Variants in GATAD2A observed in about 807,000 individuals in gnomAD.
GATAD2A encodes the protein transcriptional repressor p66-alpha.
A neutral mutation model predicts 68.5 loss-of-function variants in GATAD2A; 12 were observed. The ratio of observed to expected loss-of-function variants is 0.18; its 90% CI spans 0.11 to 0.28. GATAD2A has a LOEUF of 0.28. Ranked by LOEUF, GATAD2A falls within the 10% of genes least tolerant of loss-of-function variation. The probability of loss-of-function intolerance (pLI) is 1.00; values close to 1 mark genes in which losing one functional copy is unlikely to be tolerated. For synonymous variants in GATAD2A, 410 were observed against 375.3 expected, an observed-to-expected ratio of 1.09 and a Z score of -1.07; for missense variants, 755 against 868.5, an observed-to-expected ratio of 0.87 and a Z score of 1.64.
At chr19:19,478,135 G>T (rs1281324160) in intron 2 of GATAD2A, among the ~76,000 whole-genome samples, 1 of 152,174 alleles carries the variant, frequency 6.6e-6, no homozygotes, top group Non-Finnish European at 1.5e-5. Flanking sequence ...CATGGGCCAT[G>T]ATACATCAGC....
intron 1 of GATAD2A, among the ~76,000 whole-genome samples, chr19:19,412,703 A>C (rs2051112759): frequency 6.6e-6 from 1 of 152,122 alleles, no homozygotes; most frequent in South Asian, 2.1e-4. Flanking sequence ...CTAACTCTAC[A>C]AATAATACCA....
At chr19:19,421,801 A>G (rs1431281964) in intron 1 of GATAD2A, among the ~76,000 whole-genome samples, 1 of 149,598 alleles carries the variant, frequency 6.7e-6, no homozygotes, top group Non-Finnish European at 1.5e-5. Flanking sequence ...AGATTTCTTC[A>G]GACCTTCTCT....
intron 1 of GATAD2A, among the ~76,000 whole-genome samples, chr19:19,453,811 C>G (rs959458639): frequency 6.6e-6 from 1 of 151,450 alleles, no homozygotes; most frequent in Admixed American, 6.6e-5. Flanking sequence ...TTACAGGTGC[C>G]CGCCACCACA....
chr19:19,418,688 T>G (rs1024038070), intron 1 of GATAD2A, among the ~76,000 whole-genome samples: 5 of 152,216 alleles, frequency 3.3e-5, no homozygotes, highest in Non-Finnish European at 7.3e-5. Context: ...TGAATTATTC[T>G]AACAGCTGCT....
intron 1 of GATAD2A, among the ~76,000 whole-genome samples, chr19:19,437,816 T>G (rs182401343): frequency 5.9e-4 from 90 of 152,386 alleles, no homozygotes; most frequent in Non-Finnish European, 5.9e-5. Flanking sequence ...GTTTATCCAT[T>G]CATTCATTGA....
At chr19:19,452,133 T>C (rs1322217797) in intron 1 of GATAD2A, among the ~76,000 whole-genome samples, 1 of 152,246 alleles carries the variant, frequency 6.6e-6, no homozygotes, top group African/African-American at 2.4e-5. Flanking sequence ...AACTAGTGTA[T>C]ACTTTGCAGG....
intron 8 of GATAD2A, among the ~76,000 whole-genome samples, chr19:19,500,780 C>T (rs1404143681): frequency 6.6e-6 from 1 of 152,234 alleles, no homozygotes; most frequent in East Asian, 1.9e-4. Context: ...GAACTGAGTA[C>T]CTCAGCACCC....
At chr19:19,405,201 T>C (rs2050075002), upstream of GATAD2A, among the ~76,000 whole-genome samples, 3 of 152,218 alleles carry the variant, frequency 2.0e-5, no homozygotes, top group South Asian at 6.2e-4. Context: ...TTCACTGCAC[T>C]GGAGAAGTGA....
intron 2 of GATAD2A, among the ~76,000 whole-genome samples, chr19:19,479,194 C>T (rs958775338): frequency 3.9e-5 from 6 of 152,186 alleles, no homozygotes; most frequent in Non-Finnish European, 5.9e-5. Context: ...GCTTTTTGTA[C>T]ATGGGTTACA....
intron 1 of GATAD2A, among the ~76,000 whole-genome samples, chr19:19,420,054 A>G (rs1294864823): frequency 8.2e-6 from 1 of 122,014 alleles, no homozygotes; most frequent in Non-Finnish European, 1.6e-5. Flanking sequence ...TCTGTCACCC[A>G]GGCTGGAGTG....
chr19:19,426,087 C>T (rs2053058987), intron 1 of GATAD2A, among the ~76,000 whole-genome samples: 1 of 152,034 alleles, frequency 6.6e-6, no homozygotes, highest in Non-Finnish European at 1.5e-5. Flanking sequence ...TGCACCTGGC[C>T]CCTGCAGACA....
At chr19:19,474,201 C>T (rs1268264057) in intron 2 of GATAD2A, 5 of 979,128 alleles carry the variant, frequency 5.1e-6, no homozygotes, top group South Asian at 4.7e-5. Flanking sequence ...ATGCTTTTTA[C>T]AGGGAAGGGA....
intron 1 of GATAD2A, among the ~76,000 whole-genome samples, chr19:19,418,036 C>T (rs909616802): frequency 2.0e-5 from 3 of 152,158 alleles, no homozygotes; most frequent in Admixed American, 6.5e-5. Flanking sequence ...GGAGCGGTGT[C>T]GTAGCAGTGG....
chr19:19,476,197 C>G (rs1438687141), intron 2 of GATAD2A, among the ~76,000 whole-genome samples: 1 of 152,302 alleles, frequency 6.6e-6, no homozygotes, highest in Middle Eastern at 3.4e-3. Flanking sequence ...ATATGGACAT[C>G]GAGGTAATCA....
At chr19:19,497,240 C>T (rs1025260398) in intron 7 of GATAD2A, among the ~76,000 whole-genome samples, 25 of 152,194 alleles carry the variant, frequency 1.6e-4, no homozygotes, top group Non-Finnish European at 2.8e-4. Flanking sequence ...GGACTACAGG[C>T]GCCTGCCACC....
upstream of GATAD2A, chr19:19,402,367 A>ATT (rs983221785): frequency 6.7e-6 from 1 of 149,540 alleles, no homozygotes; most frequent in African/African-American, 2.4e-5. Context: ...CTGGAAGAAA[A>ATT]TTTTAACTAA....
intron 2 of GATAD2A, chr19:19,473,941 G>A (rs769165680): frequency 1.3e-5 from 8 of 609,548 alleles, no homozygotes; most frequent in Middle Eastern, 8.3e-4. Context: ...GCGAGACTCC[G>A]TCTCAAAAAA....
intron 1 of GATAD2A, chr19:19,440,352 T>C (rs901967877): frequency 5.2e-5 from 10 of 192,790 alleles, no homozygotes; most frequent in Non-Finnish European, 9.3e-5. Flanking sequence ...CTCATTGCAA[T>C]CTCCGCCTAC....
chr19:19,484,992 C>T (rs575949933), intron 2 of GATAD2A, among the ~76,000 whole-genome samples: 1 of 152,178 alleles, frequency 6.6e-6, no homozygotes, highest in Admixed American at 6.5e-5. Flanking sequence ...CCATGGGACC[C>T]TCTTCAGCCC....
Sources: allele counts gnomAD v4.1 joint callset (sites outside exome capture counted in the v4.1 genomes callset), GRCh38; gene constraint gnomAD v4.1.1; transcripts MANE v1.5; gene names NCBI Gene and HGNC (gene_info 2026-07-23, HGNC 2026-07-21).